Variants in HACD2 observed in about 807,000 individuals in gnomAD.
HACD2 encodes 3-hydroxyacyl-CoA dehydratase 2.
Under a neutral mutation model 31.0 loss-of-function variants are expected in HACD2, and 15 were observed. The observed-to-expected ratio is 0.48, with a 90% CI of 0.32 to 0.75. The LOEUF is 0.75. Ranked by LOEUF, HACD2 falls within the 30% of genes least tolerant of loss-of-function variation. The pLI is 0.03. For synonymous variants in HACD2, 115 were observed against 122.2 expected (o/e 0.94, Z 0.39); for missense variants, 283 against 313.0 (o/e 0.90, Z 0.72).
chr3:123,552,097 G>C (rs1420881185), intron 3 of HACD2, among the ~76,000 whole-genome samples: 2 of 152,142 alleles, frequency 1.3e-5, no homozygotes, highest in African/African-American at 2.4e-5. Context: ...GAAGAGAGAA[G>C]AGCAGAACAG....
At chr3:123,559,564 T>C (rs1384902062) in intron 3 of HACD2, among the ~76,000 whole-genome samples, 1 of 152,206 alleles carries the variant, frequency 6.6e-6, no homozygotes, top group Non-Finnish European at 1.5e-5. Context: ...GCCCTCGTTT[T>C]TCACATGTGG....
chr3:123,582,915 C>A (rs755499666), intron 1 of HACD2, among the ~76,000 whole-genome samples: 7 of 152,046 alleles, frequency 4.6e-5, no homozygotes, highest in Non-Finnish European at 8.8e-5. Context: ...ATACAAACCA[C>A]GAAACAGGAA....
At chr3:123,532,170 C>T (rs2056370531) in intron 3 of HACD2, among the ~76,000 whole-genome samples, 1 of 152,216 alleles carries the variant, frequency 6.6e-6, no homozygotes, top group East Asian at 1.9e-4. Flanking sequence ...TCAATACTTT[C>T]TAATTGAAGT....
chr3:123,558,523 A>C (rs1397709289), intron 3 of HACD2, among the ~76,000 whole-genome samples: 2 of 152,150 alleles, frequency 1.3e-5, no homozygotes, highest in African/African-American at 2.4e-5. Flanking sequence ...CCTATGGGAC[A>C]TGTCTGTACC....
intron 2 of HACD2, among the ~76,000 whole-genome samples, chr3:123,572,503 G>A (rs1433104107): frequency 6.6e-6 from 1 of 152,096 alleles, no homozygotes; most frequent in African/African-American, 2.4e-5. Context: ...GCAAGACCCT[G>A]TCTCAAAGAA....
At chr3:123,522,952 A>G (rs1358752934) in intron 4 of HACD2, among the ~76,000 whole-genome samples, 1 of 152,182 alleles carries the variant, frequency 6.6e-6, no homozygotes, top group Non-Finnish European at 1.5e-5. Context: ...ACAGCATCTC[A>G]TCTCCTCATC....
chr3:123,531,051 A>G (rs1204901352), intron 3 of HACD2, among the ~76,000 whole-genome samples: 1 of 151,716 alleles, frequency 6.6e-6, no homozygotes, highest in Non-Finnish European at 1.5e-5. Context: ...TGGTTTTAGT[A>G]GAGACGGGGT....
intron 4 of HACD2, among the ~76,000 whole-genome samples, chr3:123,527,114 T>A (rs1559911457): frequency 1.3e-5 from 2 of 152,254 alleles, no homozygotes; most frequent in Admixed American, 1.3e-4. Context: ...ATTATCTATT[T>A]AAGAATGTAA....
chr3:123,515,197 T>C (rs1017236225), intron 4 of HACD2, among the ~76,000 whole-genome samples: 3 of 152,056 alleles, frequency 2.0e-5, no homozygotes, highest in Middle Eastern at 3.2e-3. Flanking sequence ...AGCCCTCAAC[T>C]GGGCAACTGA....
At chr3:123,520,424 G>A (rs2056199244) in intron 4 of HACD2, among the ~76,000 whole-genome samples, 1 of 152,156 alleles carries the variant, frequency 6.6e-6, no homozygotes, top group South Asian at 2.1e-4. Flanking sequence ...GCAACTTCTA[G>A]TCACATGTGG....
At chr3:123,514,360 T>A (rs9816015) in intron 4 of HACD2, among the ~76,000 whole-genome samples, 1 of 152,116 alleles carries the variant, frequency 6.6e-6, no homozygotes, top group African/African-American at 2.4e-5. Context: ...GAAGAGAATA[T>A]GAGAGTTCTT....
chr3:123,502,678 G>A lies in HACD2; in HGVS notation c.385C>T (p.Gln129Ter). The A allele has an allele frequency of 6.2e-7, 1 of 1,600,110 alleles. No individual in the cohort carries two copies. Among genetic ancestry groups the A allele is most frequent in the Non-Finnish European group, 8.5e-7 (1 of 1,172,920 alleles). ...WAVTHSVKEV[Q>*]SEDSVLLFVI... is the part of the protein sequence containing the mutation. ...AACAGGAGGACACTGTCTTCACTCT[G>A]TACCTGAAGGAAGAGGAAAACAAAA... Residue 129 changes from glutamine (Q) to a stop codon, truncating the protein, a stop_gained, in exon 5 of 7, where the codon CAG (glutamine) becomes TAG (stop). Transcript: ENST00000383657. LOFTEE classifies it high-confidence loss of function.
chr3:123,582,156 CA>C, intron 2 of HACD2, 55 bp downstream of exon 2: 1 of 1,187,192 alleles, frequency 8.4e-7, no homozygotes, highest in South Asian at 1.6e-5. Context: ...AATTTAGTTG[CA>C]TGTTTTTCTT....
rs749651424 is a variant in HACD2 at position 123,528,395 on chromosome 3, G to A, written c.372C>T (p.Ser124=). Residue 124 remains serine (S), a synonymous_variant, in exon 4 of 7, where the codon AGC becomes AGT. Transcript: ENST00000383657. ...RVFLIWAVTH[S]VKEVQSEDSV... is the part of the protein sequence containing the mutation. ...CTATATAAACACTTACCTCTTTGAC[G>A]CTATGTGTTACTGCCCATATTAGAA... 15 of 1,600,208 alleles carry A rather than the reference G, an allele frequency of 9.4e-6. No homozygotes were observed. Among genetic ancestry groups the A allele is most frequent in the East Asian group, 2.2e-5 (1 of 44,778 alleles).
chr3:123,568,194 T>C (rs575438376), intron 2 of HACD2, among the ~76,000 whole-genome samples: 1 of 152,352 alleles, frequency 6.6e-6, no homozygotes, highest in East Asian at 1.9e-4. Flanking sequence ...TCTTCTTGCC[T>C]GGCAGGCCCT....
intron 3 of HACD2, among the ~76,000 whole-genome samples, chr3:123,560,786 CT>C (rs35596645): frequency 0.038 from 5,836 of 152,128 alleles, 694 homozygotes; most frequent in East Asian, 0.35. Context: ...CTTTTTGTCT[CT>C]TTCTTACAAT....
chr3:123,528,048 C>G (rs2056306606), intron 4 of HACD2, among the ~76,000 whole-genome samples: 1 of 152,148 alleles, frequency 6.6e-6, no homozygotes, highest in African/African-American at 2.4e-5. Flanking sequence ...TGCTTGAGCT[C>G]AGGAGTTCGA....
intron 3 of HACD2, among the ~76,000 whole-genome samples, chr3:123,554,770 CA>C (rs1205317892): frequency 4.6e-5 from 7 of 152,176 alleles, no homozygotes; most frequent in African/African-American, 1.7e-4. Context: ...AAGGGCATAT[CA>C]GGCAAATGGA....
intron 2 of HACD2, among the ~76,000 whole-genome samples, chr3:123,570,496 G>A (rs902890113): frequency 6.6e-6 from 1 of 152,034 alleles, no homozygotes; most frequent in Non-Finnish European, 1.5e-5. Context: ...AAATAAAGAA[G>A]TAACCTTATA....
Sources: allele counts gnomAD v4.1 joint callset (sites outside exome capture counted in the v4.1 genomes callset), GRCh38; gene constraint gnomAD v4.1.1; transcripts MANE v1.5; gene names NCBI Gene and HGNC (gene_info 2026-07-23, HGNC 2026-07-21).